PTPRO: variants seen among roughly 807,000 people sequenced by gnomAD.
PTPRO encodes protein tyrosine phosphatase receptor type O.
In PTPRO, 62 loss-of-function variants were observed where a neutral mutation model predicts 145.2. The ratio of observed to expected loss-of-function variants is 0.43; its 90% CI spans 0.35 to 0.53. PTPRO has a LOEUF of 0.53. PTPRO is among the 20% of genes least tolerant of loss of function. The probability of loss-of-function intolerance (pLI) is 0.01; values close to 1 mark genes in which losing one functional copy is unlikely to be tolerated. For missense variants in PTPRO, 1,345 were observed against 1,482.7 expected, an observed-to-expected ratio of 0.91 and a Z score of 1.53; for synonymous variants, 565 against 514.7, an observed-to-expected ratio of 1.10 and a Z score of -1.32.
intron 1 of PTPRO, among the ~76,000 whole-genome samples, chr12:15,423,349 T>C (rs1940198279): frequency 6.6e-6 from 1 of 152,198 alleles, no homozygotes; most frequent in Admixed American, 6.5e-5. Flanking sequence ...AATGTATGTT[T>C]TACAAAGTGT....
chr12:15,378,412 TAAC>T (rs1406286723), intron 1 of PTPRO, among the ~76,000 whole-genome samples: 1 of 152,030 alleles, frequency 6.6e-6, no homozygotes, highest in Non-Finnish European at 1.5e-5. Flanking sequence ...AATACACTAT[TAAC>T]AACCCCATAC....
At chr12:15,565,880 T>C (rs956589884) in intron 18 of PTPRO, among the ~76,000 whole-genome samples, 3 of 152,186 alleles carry the variant, frequency 2.0e-5, no homozygotes, top group African/African-American at 7.2e-5. Context: ...AGTGGATCGT[T>C]AGCAATTTTT....
At chr12:15,493,361 T>C (rs1245228014) in intron 2 of PTPRO, among the ~76,000 whole-genome samples, 2 of 152,060 alleles carry the variant, frequency 1.3e-5, no homozygotes, top group African/African-American at 4.8e-5. Flanking sequence ...ATAGATAGAT[T>C]TCAGCAAGAA....
chr12:15,438,626 G>A (rs1047419235), intron 1 of PTPRO, among the ~76,000 whole-genome samples: 49 of 151,902 alleles, frequency 3.2e-4, no homozygotes, highest in African/African-American at 1.2e-3. Flanking sequence ...ATTGAAGAGT[G>A]GTCTTTTGAA....
rs1248795321 is a variant in PTPRO at position 15,515,632 on chromosome 12, C to T, written c.1585+14C>T. 6.2e-7 allele frequency: 1 copy of T among 1,613,886 alleles called. No homozygotes were observed. Among genetic ancestry groups the T allele is most frequent in the Non-Finnish European group, 8.5e-7 (1 of 1,179,918 alleles). On this transcript the variant is annotated intron_variant, in intron 8 of 26. Transcript: ENST00000281171. ...CATTTGCTATTGGTAAGTTGCTAGCCACAAGAAGAATGACTGACCTATATA... is the reference window on the plus strand; with the variant it reads ...CATTTGCTATTGGTAAGTTGCTAGCTACAAGAAGAATGACTGACCTATATA...
chr12:15,341,649 A>G (rs1252181982), intron 1 of PTPRO, among the ~76,000 whole-genome samples: 1 of 152,230 alleles, frequency 6.6e-6, no homozygotes, highest in East Asian at 1.9e-4. Context: ...CTGCCTTTAT[A>G]GAGTTCCATC....
intron 23 of PTPRO, among the ~76,000 whole-genome samples, chr12:15,582,837 A>G (rs1944350369): frequency 6.6e-6 from 1 of 152,200 alleles, no homozygotes; most frequent in Admixed American, 6.5e-5. Context: ...CACATCCAAA[A>G]AAAATGTCTG....
At chr12:15,490,655 A>G (rs1941982340) in intron 2 of PTPRO, among the ~76,000 whole-genome samples, 1 of 152,206 alleles carries the variant, frequency 6.6e-6, no homozygotes, top group African/African-American at 2.4e-5. Context: ...TGGGATAATT[A>G]GAGTGCCTAC....
At chr12:15,578,612 C>T (rs1944238253) in intron 19 of PTPRO, among the ~76,000 whole-genome samples, 1 of 152,118 alleles carries the variant, frequency 6.6e-6, no homozygotes, top group Non-Finnish European at 1.5e-5. Flanking sequence ...GGGTAGATGG[C>T]AGGCACACAA....
rs959672532 is a variant in PTPRO at position 15,591,573 on chromosome 12, G to A, written c.3546+1983G>A. ...AAAACGTTTTGTTTTCTCCCTAAATGTTTTACCCTAAATTTTGGTTGTTTT... is the reference window on the plus strand; with the variant it reads ...AAAACGTTTTGTTTTCTCCCTAAATATTTTACCCTAAATTTTGGTTGTTTT... On this transcript the variant is annotated intron_variant, in intron 25 of 26. Coordinates refer to ENST00000281171, the MANE Select transcript of PTPRO (RefSeq NM_030667.3). Among the ~76,000 whole-genome samples, 29 of 152,046 alleles carry A rather than the reference G, an allele frequency of 1.9e-4. 1 individual carries two copies. Among genetic ancestry groups the A allele is most frequent in the Non-Finnish European group, 8.8e-5 (6 of 67,994 alleles).
At chr12:15,441,549 A>G (rs1168194118) in intron 1 of PTPRO, among the ~76,000 whole-genome samples, 1 of 152,282 alleles carries the variant, frequency 6.6e-6, no homozygotes, top group East Asian at 1.9e-4. Context: ...AAATTCATAC[A>G]AAGTATCAAC....
At chr12:15,482,325 A>G (rs1941795978) in intron 1 of PTPRO, among the ~76,000 whole-genome samples, 1 of 151,884 alleles carries the variant, frequency 6.6e-6, no homozygotes. Context: ...TCACAATGCT[A>G]AAAAAAACTT....
Position 15,550,198 on chromosome 12 carries a change from T to C in PTPRO, c.2437+972T>C, listed in dbSNP as rs183248529. ...GACAGTTGATCAACACATTTTTGTA[T>C]GTTATACTTATTATATATTGTATTC... On this transcript the variant is annotated intron_variant, in intron 14 of 26. Coordinates refer to ENST00000281171, the MANE Select transcript of PTPRO (RefSeq NM_030667.3). 2.0e-5 allele frequency among the ~76,000 whole-genome samples: 3 copies of C among 152,306 alleles called. No individual in the cohort carries two copies. In the East Asian group the frequency reaches 5.8e-4, roughly 29 times the overall value.
At chr12:15,427,583 A>T (rs913756891) in intron 1 of PTPRO, among the ~76,000 whole-genome samples, 19 of 151,712 alleles carry the variant, frequency 1.3e-4, no homozygotes, top group African/African-American at 4.6e-4. Context: ...CATTTTAATT[A>T]TATTGTCTCA....
At chr12:15,356,088 T>C (rs1409954107) in intron 1 of PTPRO, among the ~76,000 whole-genome samples, 1 of 152,238 alleles carries the variant, frequency 6.6e-6, no homozygotes, top group Non-Finnish European at 1.5e-5. Flanking sequence ...CTTTTATTTT[T>C]TGGTGTCCAA....
intron 1 of PTPRO, among the ~76,000 whole-genome samples, chr12:15,324,837 G>A (rs905929865): frequency 1.3e-5 from 2 of 151,864 alleles, no homozygotes; most frequent in African/African-American, 4.8e-5. Flanking sequence ...TGGTAAATTG[G>A]GCACACAGTG....
chr12:15,582,484 T>C (rs1944342251), intron 23 of PTPRO, among the ~76,000 whole-genome samples: 1 of 152,182 alleles, frequency 6.6e-6, no homozygotes, highest in African/African-American at 2.4e-5. Context: ...GATGATATGG[T>C]TGGTCTGGAG....
intron 2 of PTPRO, among the ~76,000 whole-genome samples, chr12:15,485,527 A>G (rs1941867352): frequency 6.6e-6 from 1 of 152,164 alleles, no homozygotes; most frequent in Non-Finnish European, 1.5e-5. Context: ...TGCTTAATAG[A>G]TGATCCATAA....
intron 12 of PTPRO, among the ~76,000 whole-genome samples, chr12:15,538,889 C>G (rs1471668777): frequency 2.6e-5 from 4 of 152,186 alleles, no homozygotes; most frequent in Admixed American, 2.6e-4. Context: ...CTCAGACCCT[C>G]TGAATTCCAG....
Sources: gnomAD v4.1 joint callset for allele counts (sites outside exome capture counted in the v4.1 genomes callset) on GRCh38, gnomAD v4.1.1 for gene constraint, MANE v1.5 for transcripts, NCBI Gene and HGNC (gene_info 2026-07-23, HGNC 2026-07-21) for gene names.